Variants in GNG7 observed in about 807,000 individuals in gnomAD.
The protein encoded by GNG7 is G protein subunit gamma 7, also known as guanine nucleotide-binding protein G(I)/G(S)/G(O) subunit gamma-7.
Under a neutral mutation model 4.0 loss-of-function variants are expected in GNG7, and 1 was observed. That is an observed-to-expected ratio of 0.25 (90% CI 0.09 to 1.18). GNG7 has a LOEUF of 1.18. Ranked by LOEUF, GNG7 falls within the 50% of genes most tolerant of loss-of-function variation. The pLI is 0.50. For missense variants in GNG7, 86 were observed against 91.9 expected (o/e 0.94, Z 0.26); for synonymous variants, 34 against 36.9 (o/e 0.92, Z 0.29).
chr19:2,620,742 G>A (rs1399742686), intron 2 of GNG7, among the ~76,000 whole-genome samples: 4 of 152,126 alleles, frequency 2.6e-5, no homozygotes, highest in Non-Finnish European at 4.4e-5. Flanking sequence ...TTGGGAGGTT[G>A]AGGCAGGAGA....
In GNG7 at chr19:2,514,881, T is replaced by A. The variant is rs1035513720; in HGVS notation, c.*141A>T. ...TTTTTTGGCGGGGAGAGGGGGGATT[T>A]CTTTTGGAATTAAAGGTTTTGGGGA... On this transcript the variant is annotated 3_prime_UTR_variant, in exon 5 of 5. Transcript: ENST00000382159. The A allele has an allele frequency of 1.2e-5, 8 of 687,608 alleles. No homozygotes were observed. The highest frequency in any genetic ancestry group is 3.6e-5 in the African/African-American group (2 of 55,394). 42.6% of individuals were successfully genotyped at this position (687,608 alleles called of 1,614,324 possible). A position where few individuals can be genotyped will look rare whatever the true frequency, so the allele number is the denominator to read the frequency against.
chr19:2,630,594 A>G (rs1032389670), intron 2 of GNG7: 2 of 151,998 alleles, frequency 1.3e-5, no homozygotes, highest in African/African-American at 4.8e-5. Flanking sequence ...TAACAACGCA[A>G]CAGAAACAGT....
Position 2,557,087 on chromosome 19 carries a change from G to A in GNG7, c.-77-1899C>T, listed in dbSNP as rs1979573229. 6.7e-6 allele frequency among the ~76,000 whole-genome samples: 1 copy of A among 148,474 alleles called. No individual in the cohort carries two copies. Among genetic ancestry groups the A allele is most frequent in the Non-Finnish European group, 1.5e-5 (1 of 67,112 alleles). ...CGCACACAGACACACGCACACACGT[G>A]CACACAGGAATACTCAGACACACGC... On this transcript the variant is annotated intron_variant, in intron 2 of 4. Transcript: ENST00000382159. This position sits in a 1 kb window ranked among gnomAD's most constrained non-coding sequence, Gnocchi z 5.1.
At chr19:2,604,751 C>G (rs2144815782) in intron 2 of GNG7, among the ~76,000 whole-genome samples, 1 of 152,124 alleles carries the variant, frequency 6.6e-6, no homozygotes, top group South Asian at 2.1e-4. Flanking sequence ...TCACACCACC[C>G]CAAGTTCAAG....
chr19:2,631,945 C>T (rs567664774), intron 2 of GNG7: 1 of 152,336 alleles, frequency 6.6e-6, no homozygotes, highest in South Asian at 2.1e-4. Flanking sequence ...GGACGTTGAA[C>T]CAGCCAAGGC....
intron 2 of GNG7, among the ~76,000 whole-genome samples, chr19:2,564,673 C>T (rs1979847455): frequency 6.6e-6 from 1 of 152,042 alleles, no homozygotes; most frequent in Non-Finnish European, 1.5e-5. Flanking sequence ...GACACGGCCA[C>T]AAGCCAGACT....
chr19:2,602,895 C>T (rs986442615), intron 2 of GNG7, among the ~76,000 whole-genome samples: 3 of 62,040 alleles, frequency 4.8e-5, no homozygotes, highest in Non-Finnish European at 1.1e-4. Flanking sequence ...TTCTTTTTCT[C>T]TTTTTCTTTC....
chr19:2,568,112 C>T (rs575228049), intron 2 of GNG7, among the ~76,000 whole-genome samples: 12 of 151,562 alleles, frequency 7.9e-5, no homozygotes, highest in Non-Finnish European at 1.6e-4. Context: ...CACACATGCA[C>T]ATACACACAT....
In GNG7 at chr19:2,633,845, G is replaced by C. The variant is rs1982236384; in HGVS notation, c.-78+12379C>G. 6.6e-6 allele frequency among the ~76,000 whole-genome samples: 1 copy of C among 151,982 alleles called. No homozygotes were observed. Among genetic ancestry groups the C allele is most frequent in the South Asian group, 2.1e-4 (1 of 4,820 alleles). Reference sequence around the variant, plus strand: ...GGGCATTTGGGGCTGAATCATTCTTGGTTGTGGGGCTGCCCCGGGCACTGC... The same window carrying C: ...GGGCATTTGGGGCTGAATCATTCTTCGTTGTGGGGCTGCCCCGGGCACTGC... On this transcript the variant is annotated intron_variant, in intron 2 of 4. Coordinates refer to ENST00000382159, the MANE Select transcript of GNG7 (RefSeq NM_052847.3). The surrounding 1 kb of genome is among the most constrained non-coding windows in gnomAD (Gnocchi z 5.9).
Position 2,546,945 on chromosome 19 carries a change from C to G in GNG7, c.-38+8204G>C, listed in dbSNP as rs1178212478. On this transcript the variant is annotated intron_variant, in intron 3 of 4. Coordinates refer to ENST00000382159, the MANE Select transcript of GNG7 (RefSeq NM_052847.3). The surrounding 1 kb of genome is among the most constrained non-coding windows in gnomAD (Gnocchi z 6.3). ...AAATGCTGTCACCCTGGCCCCGGGC[C>G]AGGGCAAGGGGCAGCGCCGGCCTCG... Among the ~76,000 whole-genome samples the G allele has an allele frequency of 2.0e-5, 3 of 152,102 alleles. No homozygotes were observed. Among genetic ancestry groups the G allele is most frequent in the Admixed American group, 6.5e-5 (1 of 15,276 alleles).
intron 3 of GNG7, among the ~76,000 whole-genome samples, chr19:2,540,509 C>T (rs1978924648): frequency 6.6e-6 from 1 of 152,204 alleles, no homozygotes; most frequent in Non-Finnish European, 1.5e-5. Flanking sequence ...CCAGCCTGTG[C>T]AGAGGGTGGG....
In GNG7 at chr19:2,514,976, GAGAGAGAGAA is replaced by G; in HGVS notation, c.*36_*45del. 4 of 1,482,982 alleles carry G rather than the reference GAGAGAGAGAA, an allele frequency of 2.7e-6. No individual in the cohort carries two copies. The highest frequency in any genetic ancestry group is 1.9e-6 in the Non-Finnish European group (2 of 1,062,450). The allele number at this position is 1,482,982 out of a possible 1,614,324, so 91.9% of individuals were successfully genotyped here. Reference sequence around the variant, plus strand: ...TGAGACAGAGACAGAGACAGAGAGAGAGAGAGAGAAAGAGAGAGAGAGAGAGAGAACATAT... The same window carrying G: ...TGAGACAGAGACAGAGACAGAGAGAGAGAGAGAGAGAGAGAGAGAACATAT... On this transcript the variant is annotated 3_prime_UTR_variant, in exon 5 of 5. Coordinates refer to ENST00000382159, the MANE Select transcript of GNG7 (RefSeq NM_052847.3).
intron 3 of GNG7, among the ~76,000 whole-genome samples, chr19:2,549,374 C>G (rs868353836): frequency 4.6e-5 from 7 of 151,604 alleles, no homozygotes; most frequent in African/African-American, 1.7e-4. Context: ...TCACTGCAAA[C>G]TCCACCCCCT....
chr19:2,660,395 C>T (rs1327948638), intron 1 of GNG7, among the ~76,000 whole-genome samples: 1 of 152,154 alleles, frequency 6.6e-6, no homozygotes, highest in Non-Finnish European at 1.5e-5. Context: ...TGCTCCAAAA[C>T]CACAGGGAAG....
At chr19:2,654,047 G>A (rs1412845303) in intron 1 of GNG7, among the ~76,000 whole-genome samples, 2 of 152,176 alleles carry the variant, frequency 1.3e-5, no homozygotes, top group African/African-American at 2.4e-5. Flanking sequence ...TCGCTGTGGC[G>A]GGGGCGGGGC....
At chr19:2,586,052 T>C (rs747636647) in intron 2 of GNG7, among the ~76,000 whole-genome samples, 1 of 152,224 alleles carries the variant, frequency 6.6e-6, no homozygotes, top group African/African-American at 2.4e-5. Flanking sequence ...TTGTGAGTTT[T>C]CTGAAATATT....
chr19:2,540,899 G>A (rs1978938568), intron 3 of GNG7, among the ~76,000 whole-genome samples: 1 of 152,228 alleles, frequency 6.6e-6, no homozygotes, highest in Non-Finnish European at 1.5e-5. Flanking sequence ...AGTTGGGAAA[G>A]TGCCACTCCC....
At chr19:2,638,393 GGGGAT>G (rs1982374000) in intron 2 of GNG7, among the ~76,000 whole-genome samples, 17 of 126,908 alleles carry the variant, frequency 1.3e-4, no homozygotes, top group Non-Finnish European at 1.7e-4. Flanking sequence ...GGGAAGAGAA[GGGGAT>G]GGGAAGGGAA....
chr19:2,532,163 A>C lies in GNG7; in HGVS notation c.-37-11438T>G, dbSNP rs199575668. On this transcript the variant is annotated intron_variant, in intron 3 of 4. Transcript: ENST00000382159. ...GAGACTCCGTCTCAAAAAAAAAAAC[A>C]AAAAAAAAAACAAAAACCAGCACTA... Among the ~76,000 whole-genome samples the C allele has an allele frequency of 7.7e-4, 76 of 98,822 alleles. 2 individuals are homozygous for C. Among genetic ancestry groups the C allele is most frequent in the Middle Eastern group, 5.1e-3 (1 of 198 alleles). 64.8% of individuals were successfully genotyped at this position (98,822 alleles called of 152,430 possible).
Sources: allele counts gnomAD v4.1 joint callset (sites outside exome capture counted in the v4.1 genomes callset), GRCh38; gene constraint gnomAD v4.1.1; non-coding constraint Gnocchi (gnomAD v3.1); transcripts MANE v1.5; gene names NCBI Gene and HGNC (gene_info 2026-07-23, HGNC 2026-07-21).